The following CCNY variants were observed in gnomAD, a reference collection of about 807,000 sequenced individuals.
The protein encoded by CCNY is cyclin-Y.
A neutral mutation model predicts 42.8 loss-of-function variants in CCNY; 19 were observed. The observed-to-expected ratio is 0.44, with a 90% CI of 0.31 to 0.65. The LOEUF (loss-of-function observed/expected upper bound fraction) is 0.65, where lower values mean the gene tolerates loss of function less well. Ranked by LOEUF, CCNY falls within the 30% of genes least tolerant of loss-of-function variation. CCNY has a pLI of 0.07. For missense variants in CCNY, 370 were observed against 437.3 expected (o/e 0.85, Z 1.37); for synonymous variants, 165 against 162.7 (o/e 1.01, Z -0.11).
Position 35,426,111 on chromosome 10 carries a change from G to GCACACA in CCNY, c.155-57250_155-57245dup, listed in dbSNP as rs1055933724. Reference sequence around the variant, plus strand: ...TTCTCCCTTCACTGGTCCAGCACGCGCACACACACACACACACACACACAC... The same window carrying GCACACA: ...TTCTCCCTTCACTGGTCCAGCACGCGCACACACACACACACACACACACACACACAC... On this transcript the variant is annotated intron_variant, in intron 1 of 9. Transcript: ENST00000374704. 2.5e-3 allele frequency among the ~76,000 whole-genome samples: 200 copies of GCACACA among 80,468 alleles called. 2 individuals carry two copies. The highest frequency in any genetic ancestry group is 8.7e-3 in the African/African-American group (164 of 18,780). 52.8% of individuals were successfully genotyped at this position (80,468 alleles called of 152,430 possible).
chr10:35,402,785 A>T (rs1169964913), intron 1 of CCNY, among the ~76,000 whole-genome samples: 1 of 152,206 alleles, frequency 6.6e-6, no homozygotes, highest in African/African-American at 2.4e-5. Flanking sequence ...TCTTCTGTCC[A>T]CTTCAAGAGA....
intron 1 of CCNY, among the ~76,000 whole-genome samples, chr10:35,354,176 T>C (rs1345601833): frequency 6.7e-6 from 1 of 149,888 alleles, no homozygotes; most frequent in Admixed American, 6.6e-5. Flanking sequence ...ATGGAAGCCA[T>C]ACATAGTCTT....
chr10:35,381,226 G>A (rs549613455), intron 1 of CCNY, among the ~76,000 whole-genome samples: 11 of 152,248 alleles, frequency 7.2e-5, no homozygotes, highest in Admixed American at 3.3e-4. Context: ...TAATAGATAC[G>A]TAAGCTTCAA....
intron 3 of CCNY, among the ~76,000 whole-genome samples, chr10:35,508,269 TAC>T (rs1473516965): frequency 1.3e-5 from 2 of 152,344 alleles, no homozygotes; most frequent in East Asian, 3.9e-4. Context: ...CCATTTTCAG[TAC>T]AGATTCCTGG....
At chr10:35,373,048 C>T (rs752321745) in intron 1 of CCNY, among the ~76,000 whole-genome samples, 81 of 152,212 alleles carry the variant, frequency 5.3e-4, no homozygotes, top group Admixed American at 1.0e-3. Context: ...AGATTGTAAA[C>T]TGAAAGGATT....
At chr10:35,247,523 C>T (rs1204489705) in intron 1 of CCNY, among the ~76,000 whole-genome samples, 1 of 151,806 alleles carries the variant, frequency 6.6e-6, no homozygotes, top group Non-Finnish European at 1.5e-5. Flanking sequence ...GAGTTTGAGG[C>T]TGCAGTGAGC....
intron 3 of CCNY, among the ~76,000 whole-genome samples, chr10:35,318,750 G>T (rs1416053014): frequency 2.0e-5 from 3 of 151,418 alleles, no homozygotes; most frequent in Non-Finnish European, 4.4e-5. Flanking sequence ...CAATAATGAT[G>T]ATTCAGTAAA....
intron 1 of CCNY, among the ~76,000 whole-genome samples, chr10:35,381,295 C>G (rs538084769): frequency 6.6e-6 from 1 of 152,182 alleles, no homozygotes; most frequent in South Asian, 2.1e-4. Context: ...CGCCATGGCT[C>G]ATGCCTGTAA....
At chr10:35,457,906 T>C (rs1839072847) in intron 1 of CCNY, among the ~76,000 whole-genome samples, 1 of 152,220 alleles carries the variant, frequency 6.6e-6, no homozygotes, top group African/African-American at 2.4e-5. Context: ...AATTCTCTTA[T>C]AGGGAAATCA....
intron 3 of CCNY, among the ~76,000 whole-genome samples, chr10:35,263,279 C>T (rs1267035933): frequency 4.8e-5 from 7 of 145,868 alleles, no homozygotes; most frequent in African/African-American, 1.8e-4. Context: ...ATGGTGTGAA[C>T]CCAGGAGGTG....
chr10:35,271,011 C>T (rs1822670617), intron 3 of CCNY, among the ~76,000 whole-genome samples: 1 of 152,126 alleles, frequency 6.6e-6, no homozygotes, highest in Non-Finnish European at 1.5e-5. Flanking sequence ...AGGTGTGAGC[C>T]ACCAAGCTTG....
At chr10:35,311,097 G>A (rs1362472783) in intron 3 of CCNY, among the ~76,000 whole-genome samples, 1 of 152,204 alleles carries the variant, frequency 6.6e-6, no homozygotes, top group Non-Finnish European at 1.5e-5. Flanking sequence ...AGGATTGCTT[G>A]AGGCCAGGAG....
At chr10:35,549,108 C>A (rs1363633433) in intron 7 of CCNY, among the ~76,000 whole-genome samples, 7 of 145,972 alleles carry the variant, frequency 4.8e-5, no homozygotes, top group Non-Finnish European at 9.1e-5. Context: ...ACCCCACCCC[C>A]CCCCGCCCCT....
chr10:35,535,640 G>A (rs1234401883), intron 7 of CCNY, among the ~76,000 whole-genome samples: 2 of 152,150 alleles, frequency 1.3e-5, no homozygotes, highest in East Asian at 1.9e-4. Context: ...TGAAAATGTG[G>A]TTAGGCCTGT....
intron 7 of CCNY, among the ~76,000 whole-genome samples, chr10:35,536,713 T>C (rs1332951011): frequency 1.3e-5 from 2 of 152,192 alleles, no homozygotes; most frequent in Non-Finnish European, 2.9e-5. Context: ...TTGTGGAACT[T>C]TGAACTTGAG....
intron 1 of CCNY, among the ~76,000 whole-genome samples, chr10:35,456,797 A>C (rs867701371): frequency 3.3e-5 from 5 of 152,212 alleles, no homozygotes; most frequent in African/African-American, 1.2e-4. Context: ...TCAGGTCTGA[A>C]AGGAAAATAC....
intron 7 of CCNY, among the ~76,000 whole-genome samples, chr10:35,540,483 G>A (rs1268509763): frequency 6.6e-6 from 1 of 152,006 alleles, no homozygotes; most frequent in Non-Finnish European, 1.5e-5. Flanking sequence ...TATTTGTAAG[G>A]AATTTGGTCT....
chr10:35,339,506 T>A (rs572663908), intron 1 of CCNY, among the ~76,000 whole-genome samples: 34 of 152,338 alleles, frequency 2.2e-4, no homozygotes, highest in African/African-American at 7.5e-4. Context: ...TTATATTGAT[T>A]GTTAGGTTAT....
At chr10:35,385,612 C>A (rs910479376) in intron 1 of CCNY, among the ~76,000 whole-genome samples, 32 of 152,178 alleles carry the variant, frequency 2.1e-4, no homozygotes, top group African/African-American at 7.5e-4. Flanking sequence ...TGAGAATATT[C>A]CAGTTGCCCC....
Sources: gnomAD v4.1 joint callset for allele counts (sites outside exome capture counted in the v4.1 genomes callset) on GRCh38, gnomAD v4.1.1 for gene constraint, MANE v1.5 for transcripts, NCBI Gene and HGNC (gene_info 2026-07-23, HGNC 2026-07-21) for gene names.